Variants in GLIS3 observed in about 807,000 individuals in gnomAD.
GLIS3 encodes GLIS family zinc finger 3.
Under a neutral mutation model 78.6 loss-of-function variants are expected in GLIS3, and 53 were observed. That is an observed-to-expected ratio of 0.67 (90% CI 0.54 to 0.85). The LOEUF (loss-of-function observed/expected upper bound fraction) is 0.85, where lower values mean the gene tolerates loss of function less well. Ranked by LOEUF, GLIS3 falls within the 40% of genes least tolerant of loss-of-function variation. GLIS3 has a pLI of 0.00. For missense variants in GLIS3, 1,703 were observed against 1,231.1 expected (o/e 1.38, Z -5.74); for synonymous variants, 684 against 509.9 (o/e 1.34, Z -4.60).
chr9:4,328,843 G>A (rs995611454), intron 2 of GLIS3, among the ~76,000 whole-genome samples: 4 of 152,206 alleles, frequency 2.6e-5, no homozygotes, highest in African/African-American at 9.6e-5. Flanking sequence ...CACGTGACAA[G>A]CATCCAATAA....
intron 4 of GLIS3, among the ~76,000 whole-genome samples, chr9:4,073,949 G>A (rs28427393): frequency 0.049 from 7,496 of 152,274 alleles, 526 homozygotes; most frequent in African/African-American, 0.16. Flanking sequence ...AAGAGTCACT[G>A]AAGAAGTAAG....
rs529572495 is a variant in GLIS3 at position 4,205,766 on chromosome 9, C to T, written c.389-79825G>A. ...TTGTTTAAGCCAGTTAAAACTGTTC[C>T]AACAAGACAAGACTAAGAATCCAGG... On this transcript the variant is annotated intron_variant, in intron 2 of 10. Transcript: ENST00000381971. Among the ~76,000 whole-genome samples, 4 of 152,260 alleles carry T rather than the reference C, an allele frequency of 2.6e-5. No homozygotes were observed. In the South Asian group the frequency reaches 8.3e-4, roughly 32 times the overall value.
chr9:3,979,313 T>A (rs998445798), intron 4 of GLIS3, among the ~76,000 whole-genome samples: 1 of 152,192 alleles, frequency 6.6e-6, no homozygotes, highest in Non-Finnish European at 1.5e-5. Context: ...CCTGCAAGTC[T>A]CCCTCACTGT....
At chr9:4,090,153 G>C (rs1829375749) in intron 4 of GLIS3, among the ~76,000 whole-genome samples, 1 of 152,094 alleles carries the variant, frequency 6.6e-6, no homozygotes, top group Admixed American at 6.5e-5. Flanking sequence ...ATTTTAGGCA[G>C]AGTTGTGACA....
At chr9:3,983,705 A>G (rs1271085549) in intron 4 of GLIS3, among the ~76,000 whole-genome samples, 1 of 152,144 alleles carries the variant, frequency 6.6e-6, no homozygotes, top group Non-Finnish European at 1.5e-5. Flanking sequence ...CCTGCCATAG[A>G]GATGTGTGGA....
chr9:4,166,424 T>C (rs1025926602), intron 2 of GLIS3, among the ~76,000 whole-genome samples: 2 of 152,178 alleles, frequency 1.3e-5, no homozygotes, highest in Non-Finnish European at 2.9e-5. Context: ...AGCTAATCTT[T>C]ACTATAAAAA....
the GLIS3 span, among the ~76,000 whole-genome samples, chr9:4,480,207 T>C: frequency 1.4e-5 from 2 of 144,190 alleles, no homozygotes; most frequent in African/African-American, 2.6e-5. Context: ...TTTCTTTTTT[T>C]TTTTTTTTTT....
intron 4 of GLIS3, among the ~76,000 whole-genome samples, chr9:4,027,141 C>T (rs1441458705): frequency 1.3e-5 from 2 of 152,190 alleles, no homozygotes; most frequent in Non-Finnish European, 2.9e-5. Flanking sequence ...TAATCAGTTC[C>T]ACTCACACAG....
At chr9:4,041,150 C>G (rs1824778786) in intron 4 of GLIS3, among the ~76,000 whole-genome samples, 1 of 152,164 alleles carries the variant, frequency 6.6e-6, no homozygotes. Context: ...CACTGTTTCT[C>G]AAATATGACT....
intron 2 of GLIS3, among the ~76,000 whole-genome samples, chr9:4,138,106 C>A (rs554225967): frequency 6.6e-6 from 1 of 152,306 alleles, no homozygotes; most frequent in Non-Finnish European, 1.5e-5. Context: ...TTCTTGCCTA[C>A]CATCTAATTT....
chr9:3,945,279 ACTT>A (rs1478632791), intron 4 of GLIS3, among the ~76,000 whole-genome samples: 4 of 152,248 alleles, frequency 2.6e-5, no homozygotes, highest in Non-Finnish European at 5.9e-5. Flanking sequence ...TGAGCATAAT[ACTT>A]CTATGAAATA....
the GLIS3 span, among the ~76,000 whole-genome samples, chr9:4,433,457 T>A: frequency 2.6e-5 from 4 of 152,124 alleles, no homozygotes; most frequent in Admixed American, 1.3e-4. Flanking sequence ...AATAAATAAA[T>A]AAAATGAGCT....
chr9:4,164,375 G>T (rs930736141), intron 2 of GLIS3, among the ~76,000 whole-genome samples: 1 of 152,194 alleles, frequency 6.6e-6, no homozygotes. Context: ...CCCAAGGCTT[G>T]CTAATTAATT....
chr9:4,145,650 T>C (rs1834166900), intron 2 of GLIS3, among the ~76,000 whole-genome samples: 1 of 152,054 alleles, frequency 6.6e-6, no homozygotes, highest in African/African-American at 2.4e-5. Flanking sequence ...GTCACATCAG[T>C]GCCCTCTGTC....
intron 4 of GLIS3, among the ~76,000 whole-genome samples, chr9:3,981,734 T>C (rs641255): frequency 0.14 from 21,443 of 152,206 alleles, 1,748 homozygotes; most frequent in African/African-American, 0.22. Context: ...GCTGGTTTTC[T>C]GGGGCTTTGG....
chr9:4,182,430 G>A (rs1817412016), intron 2 of GLIS3, among the ~76,000 whole-genome samples: 1 of 152,100 alleles, frequency 6.6e-6, no homozygotes, highest in African/African-American at 2.4e-5. Flanking sequence ...ATAAATTATG[G>A]AACACTATGT....
At chr9:3,925,734 G>C (rs866148271) in intron 6 of GLIS3, among the ~76,000 whole-genome samples, 1 of 152,146 alleles carries the variant, frequency 6.6e-6, no homozygotes, top group East Asian at 1.9e-4. Flanking sequence ...TTTTGTATTT[G>C]CTTTTAATTA....
the GLIS3 span, among the ~76,000 whole-genome samples, chr9:4,405,829 T>G: frequency 6.6e-6 from 1 of 151,560 alleles, no homozygotes; most frequent in Non-Finnish European, 1.5e-5. Flanking sequence ...AACAAAATAC[T>G]AGCAAACAAA....
chr9:4,482,160 G>A, the GLIS3 span, among the ~76,000 whole-genome samples: 4 of 152,158 alleles, frequency 2.6e-5, no homozygotes, highest in African/African-American at 4.8e-5. Context: ...GCTTGTGTGA[G>A]GCAGACAGAG....
Sources: allele counts gnomAD v4.1 joint callset (sites outside exome capture counted in the v4.1 genomes callset), GRCh38; gene constraint gnomAD v4.1.1; transcripts MANE v1.5; gene names NCBI Gene and HGNC (gene_info 2026-07-23, HGNC 2026-07-21).